Variants in AGO3 observed in about 807,000 individuals in gnomAD.
The protein encoded by AGO3 is argonaute RISC catalytic component 3, also known as protein argonaute-3.
In AGO3, 16 loss-of-function variants were observed where a neutral mutation model predicts 105.5. The observed-to-expected ratio is 0.15, with a 90% CI of 0.10 to 0.23. The LOEUF (loss-of-function observed/expected upper bound fraction) is 0.23. AGO3 is among the 10% of genes least tolerant of loss of function. The pLI is 1.00. For synonymous variants in AGO3, 340 were observed against 367.3 expected (o/e 0.93, Z 0.85); for missense variants, 534 against 1,088.0 (o/e 0.49, Z 7.16).
intron 16 of AGO3, 145 bp from the exon 17 acceptor site, chr1:36,043,302 G>T: frequency 1.5e-6 from 1 of 659,914 alleles, no homozygotes; most frequent in Admixed American, 2.8e-5. Context: ...TGCGTAGTCT[G>T]CTCTGAATGA....
intron 11 of AGO3, among the ~76,000 whole-genome samples, chr1:36,024,330 TC>T (rs1278750690): frequency 2.0e-5 from 3 of 151,978 alleles, no homozygotes; most frequent in Non-Finnish European, 4.4e-5. Context: ...ATAGATAGGA[TC>T]TCACTATGTT....
Position 36,061,344 on chromosome 1 carries a change from G to A in AGO3, c.*5599G>A, listed in dbSNP as rs1388247935. 6.6e-6 allele frequency: 1 copy of A among 152,024 alleles called. No individual in the cohort carries two copies. The highest frequency in any genetic ancestry group is 1.5e-5 in the Non-Finnish European group (1 of 68,022). The allele number at this position is 152,024 out of a possible 1,614,324, so 9.4% of individuals were successfully genotyped here. A position where few individuals can be genotyped will look rare whatever the true frequency, so the allele number is the denominator to read the frequency against. On this transcript the variant is annotated 3_prime_UTR_variant, in exon 19 of 19. Coordinates refer to ENST00000373191, the MANE Select transcript of AGO3 (RefSeq NM_024852.4). The stretch of plus-strand genomic sequence containing the variant: ...TAATTTTTTAAACTAAGGTATAATG[G>A]TCAAGGCTTGTGCTAATATTACCTA...
intron 6 of AGO3, chr1:36,005,956 A>G (rs1640313959): frequency 1.1e-6 from 1 of 936,656 alleles, no homozygotes; most frequent in Admixed American, 6.2e-5. Context: ...AGAATTATCT[A>G]GTCCACTTTT....
At position 36,058,877 on chromosome 1, in the gene AGO3, G is replaced by A. The variant is rs917318427; in HGVS notation, c.*3132G>A. On this transcript the variant is annotated 3_prime_UTR_variant, in exon 19 of 19. Coordinates refer to ENST00000373191, the MANE Select transcript of AGO3 (RefSeq NM_024852.4). ...TTACTGAATATAGTCAGGATCATGGGCAAGAGAAGAAAATAGTATACCCAA... is the reference window on the plus strand; with the variant it reads ...TTACTGAATATAGTCAGGATCATGGACAAGAGAAGAAAATAGTATACCCAA... The A allele has an allele frequency of 3.3e-5, 5 of 152,064 alleles. No individual in the cohort carries two copies. The highest frequency in any genetic ancestry group is 1.2e-4 in the African/African-American group (5 of 41,398). The allele number at this position is 152,064 out of a possible 1,614,324, so 9.4% of individuals were successfully genotyped here.
At chr1:35,937,090 T>A in intron 1 of AGO3, among the ~76,000 whole-genome samples, 1 of 152,220 alleles carries the variant, frequency 6.6e-6, no homozygotes, top group Admixed American at 6.5e-5. Context: ...AAGGGAAATG[T>A]CCCCTTTTAT....
chr1:35,965,048 T>C (rs1010204387), intron 2 of AGO3, among the ~76,000 whole-genome samples: 2 of 151,890 alleles, frequency 1.3e-5, no homozygotes, highest in Non-Finnish European at 2.9e-5. Context: ...GGTATTTCAG[T>C]CTCCTCCATT....
chr1:36,034,516 GAAAATGCCCCCC>G (rs1641919753), intron 13 of AGO3, among the ~76,000 whole-genome samples, 183 bp downstream of exon 13: 1 of 152,082 alleles, frequency 6.6e-6, no homozygotes, highest in African/African-American at 2.4e-5. Context: ...ATTCTCTTGT[GAAAATGCCCCCC>G]ACAATTTTAT....
At position 35,945,747 on chromosome 1, in the gene AGO3, C is replaced by A. The variant is rs761219693; in HGVS notation, c.75C>A (p.Thr25=). 2 of 1,613,388 alleles carry A rather than the reference C, an allele frequency of 1.2e-6. No individual in the cohort carries two copies. The highest frequency in any genetic ancestry group is 1.7e-6 in the Non-Finnish European group (2 of 1,180,032). The change falls in exon 2 of 19, where the codon ACC becomes ACA. Residue 25 remains threonine (T), a synonymous_variant. Coordinates refer to ENST00000373191, the MANE Select transcript of AGO3 (RefSeq NM_024852.4). Reference sequence around the variant, plus strand: ...TGCCCAGAAGACCTGGCTATGGCACCATGGGCAAACCCATTAAACTGCTGG... The same window carrying A: ...TGCCCAGAAGACCTGGCTATGGCACAATGGGCAAACCCATTAAACTGCTGG... ...LMVPRRPGYG[T]MGKPIKLLAN...
chr1:36,029,684 C>CTGCGCCTGGCCCCTAAATTTCCTA (rs1641676580), intron 12 of AGO3, among the ~76,000 whole-genome samples: 1 of 148,196 alleles, frequency 6.7e-6, no homozygotes. Flanking sequence ...GCGTGAGCCA[C>CTGCGCCTGGCCCCTAAATTTCCTA]CATGCCCGGC....
intron 11 of AGO3, among the ~76,000 whole-genome samples, chr1:36,016,008 G>T (rs1242947257): frequency 1.3e-5 from 2 of 152,164 alleles, no homozygotes; most frequent in Non-Finnish European, 2.9e-5. Context: ...GACAGAAAAA[G>T]GAAAGTGGCA....
At chr1:36,023,183 TCAAA>T (rs1223748500) in intron 11 of AGO3, among the ~76,000 whole-genome samples, 1 of 152,082 alleles carries the variant, frequency 6.6e-6, no homozygotes, top group Non-Finnish European at 1.5e-5. Context: ...TAAAATTTGC[TCAAA>T]CAAATTCAGA....
At chr1:36,049,583 T>C (rs564166667) in intron 17 of AGO3, among the ~76,000 whole-genome samples, 10 of 151,498 alleles carry the variant, frequency 6.6e-5, no homozygotes, top group African/African-American at 2.4e-4. Flanking sequence ...AATATACCCA[T>C]GTAACAAATC....
In AGO3 at chr1:36,056,228, T is replaced by A. The variant is rs1281622949; in HGVS notation, c.*483T>A. On this transcript the variant is annotated 3_prime_UTR_variant, in exon 19 of 19. Transcript: ENST00000373191. ...TGTATTTTTAAAATATATACATCCATACTTCATATGCATATATATCTAGAT... is the reference window on the plus strand; with the variant it reads ...TGTATTTTTAAAATATATACATCCAAACTTCATATGCATATATATCTAGAT... 1 of 154,342 alleles carries A rather than the reference T, an allele frequency of 6.5e-6. No individual in the cohort carries two copies. The highest frequency in any genetic ancestry group is 1.4e-5 in the Non-Finnish European group (1 of 69,144). The allele number at this position is 154,342 out of a possible 1,614,324, so 9.6% of individuals were successfully genotyped here.
intron 6 of AGO3, among the ~76,000 whole-genome samples, chr1:36,006,967 T>C (rs766384123): frequency 5.9e-5 from 9 of 152,364 alleles, no homozygotes; most frequent in African/African-American, 2.2e-4. Flanking sequence ...GCAGGCATTC[T>C]CAACCTTAGC....
intron 4 of AGO3, 54 bp downstream of exon 4, chr1:35,972,286 G>C (rs145734327): frequency 2.6e-5 from 40 of 1,563,354 alleles, no homozygotes; most frequent in Non-Finnish European, 2.9e-5. Context: ...AGAATGAATT[G>C]TGCAGGCTTC....
intron 17 of AGO3, 97 bp downstream of exon 17, chr1:36,043,645 G>A (rs1324814491): frequency 1.0e-6 from 1 of 1,004,216 alleles, no homozygotes; most frequent in Non-Finnish European, 1.5e-6. Context: ...AATACTCTTT[G>A]CATTCCAAAT....
intron 17 of AGO3, among the ~76,000 whole-genome samples, chr1:36,048,813 C>G (rs1460144246): frequency 6.6e-6 from 1 of 152,148 alleles, no homozygotes; most frequent in African/African-American, 2.4e-5. Context: ...CCCCAGCCTC[C>G]TGCATGGCTG....
chr1:36,007,804 A>G (rs1213300134), intron 6 of AGO3, among the ~76,000 whole-genome samples: 2 of 152,216 alleles, frequency 1.3e-5, no homozygotes, highest in African/African-American at 2.4e-5. Flanking sequence ...TAAATGTAGA[A>G]CATTCCATCA....
chr1:35,999,676 G>A (rs1156513052), intron 5 of AGO3, among the ~76,000 whole-genome samples: 2 of 152,130 alleles, frequency 1.3e-5, no homozygotes, highest in African/African-American at 4.8e-5. Flanking sequence ...GGTTGCTAGT[G>A]TATAAGAATA....
Sources: allele counts gnomAD v4.1 joint callset (sites outside exome capture counted in the v4.1 genomes callset), GRCh38; gene constraint gnomAD v4.1.1; transcripts MANE v1.5; gene names NCBI Gene and HGNC (gene_info 2026-07-23, HGNC 2026-07-21).